TMEM74: variants seen among roughly 807,000 people sequenced by gnomAD.
TMEM74 encodes transmembrane protein 74.
A neutral mutation model predicts 18.1 loss-of-function variants in TMEM74; 13 were observed. The ratio of observed to expected loss-of-function variants is 0.72; its 90% CI spans 0.47 to 1.14. The LOEUF is 1.14. Among genes scored for constraint, TMEM74 ranks in the 50% most tolerant of loss-of-function variants. The probability of loss-of-function intolerance (pLI) is 0.00; values close to 1 mark genes in which losing one functional copy is unlikely to be tolerated. For synonymous variants in TMEM74, 159 were observed against 146.6 expected, an observed-to-expected ratio of 1.08 and a Z score of -0.61; for missense variants, 372 against 375.9, an observed-to-expected ratio of 0.99 and a Z score of 0.09.
At chr8:108,715,612 CT>C (rs1012192763) in intron 1 of TMEM74, among the ~76,000 whole-genome samples, 2 of 151,982 alleles carry the variant, frequency 1.3e-5, no homozygotes, top group African/African-American at 4.8e-5. Flanking sequence ...GTTTGAATGA[CT>C]TTTATATGTA....
intron 1 of TMEM74, among the ~76,000 whole-genome samples, chr8:108,730,570 C>T (rs552337626): frequency 6.6e-6 from 1 of 151,542 alleles, no homozygotes; most frequent in African/African-American, 2.4e-5. Flanking sequence ...TATTTATTCA[C>T]CTTTTATTGT....
intron 1 of TMEM74, among the ~76,000 whole-genome samples, chr8:108,658,850 C>A (rs1227995575): frequency 6.6e-6 from 1 of 152,108 alleles, no homozygotes; most frequent in African/African-American, 2.4e-5. Flanking sequence ...AGAGAATAAA[C>A]ATTTCAGTGG....
At chr8:108,681,216 C>G (rs1813111228) in intron 1 of TMEM74, among the ~76,000 whole-genome samples, 1 of 152,152 alleles carries the variant, frequency 6.6e-6, no homozygotes, top group Non-Finnish European at 1.5e-5. Flanking sequence ...CAAGTCAATC[C>G]TAAGCCAAAA....
chr8:108,653,191 C>A (rs1812791121), intron 2 of TMEM74: 1 of 158,544 alleles, frequency 6.3e-6, no homozygotes, highest in South Asian at 1.9e-4. Flanking sequence ...AAATAACTCT[C>A]ATTTAGGGAT....
At chr8:108,637,802 G>T (rs1339178670) in intron 2 of TMEM74, among the ~76,000 whole-genome samples, 1 of 152,136 alleles carries the variant, frequency 6.6e-6, no homozygotes, top group Non-Finnish European at 1.5e-5. Context: ...GTGGTAATTT[G>T]CCATAGCAGC....
At chr8:108,668,264 C>T (rs1812969113) in intron 1 of TMEM74, among the ~76,000 whole-genome samples, 1 of 152,148 alleles carries the variant, frequency 6.6e-6, no homozygotes, top group South Asian at 2.1e-4. Context: ...AACCTCAAAG[C>T]TGATTTCTAG....
intron 1 of TMEM74, among the ~76,000 whole-genome samples, chr8:108,767,106 C>T (rs748297384): frequency 4.4e-4 from 67 of 152,184 alleles, no homozygotes; most frequent in Non-Finnish European, 8.4e-4. Context: ...TGGAATAATA[C>T]TTTGCATCCT....
intron 1 of TMEM74, among the ~76,000 whole-genome samples, chr8:108,719,413 C>G (rs546691622): frequency 6.6e-6 from 1 of 152,218 alleles, no homozygotes; most frequent in African/African-American, 2.4e-5. Flanking sequence ...ATTTTGGCAG[C>G]TCTGCATTGT....
chr8:108,718,917 C>T (rs1813556664), intron 1 of TMEM74, among the ~76,000 whole-genome samples: 2 of 151,452 alleles, frequency 1.3e-5, no homozygotes, highest in African/African-American at 4.9e-5. Context: ...ATGAAATGTA[C>T]CCATTATGTC....
At chr8:108,736,850 A>G (rs1229879353) in intron 1 of TMEM74, among the ~76,000 whole-genome samples, 1 of 152,090 alleles carries the variant, frequency 6.6e-6, no homozygotes, top group Non-Finnish European at 1.5e-5. Context: ...GAAATGATAA[A>G]TTTACCTTGA....
intron 1 of TMEM74, among the ~76,000 whole-genome samples, chr8:108,657,838 GTC>G: frequency 3.0e-5 from 1 of 33,504 alleles, no homozygotes; most frequent in African/African-American, 1.5e-4. Context: ...GTGAGACACC[GTC>G]TCAAAAAAAA....
intron 1 of TMEM74, among the ~76,000 whole-genome samples, chr8:108,706,776 GGTGTGTGTGT>G (rs3049749): frequency 3.0e-4 from 43 of 144,972 alleles, no homozygotes; most frequent in Admixed American, 1.0e-3. Flanking sequence ...AATTACAAGG[GGTGTGTGTGT>G]GTGTGTGTGT....
intron 2 of TMEM74, among the ~76,000 whole-genome samples, chr8:108,633,520 G>A (rs555944984): frequency 6.6e-6 from 1 of 152,072 alleles, no homozygotes; most frequent in South Asian, 2.1e-4. Flanking sequence ...AATCCACAAT[G>A]AATATAACAT....
chr8:108,783,504 C>T lies in TMEM74; in HGVS notation c.*677G>A, dbSNP rs910829751. ...CCCTGGCTAATATCTGGCACCAACA[C>T]TGTGGTTTAAATTCACATTGGTCTT... is the stretch of plus-strand genomic sequence containing the variant. On this transcript the variant is annotated 3_prime_UTR_variant, in exon 2 of 2. Coordinates refer to ENST00000297459, the MANE Select transcript of TMEM74 (RefSeq NM_153015.3). The T allele has an allele frequency of 1.1e-4, 17 of 152,158 alleles. No individual in the cohort carries two copies. Among genetic ancestry groups the T allele is most frequent in the African/African-American group, 3.4e-4 (14 of 41,418 alleles). 9.4% of individuals were successfully genotyped at this position (152,158 alleles called of 1,614,324 possible). A position where few individuals can be genotyped will look rare whatever the true frequency, so the allele number is the denominator to read the frequency against.
At position 108,782,949 on chromosome 8, in the gene TMEM74, C is replaced by T. The variant is rs1389549216; in HGVS notation, c.*1232G>A. On this transcript the variant is annotated 3_prime_UTR_variant, in exon 2 of 2. Transcript: ENST00000297459. ...CAGTGTGTGTCTTGCAAAGTGAGCACCTTGCTCATCATGCTGCTCTTAGAG... is the reference window on the plus strand; with the variant it reads ...CAGTGTGTGTCTTGCAAAGTGAGCATCTTGCTCATCATGCTGCTCTTAGAG... Among the ~76,000 whole-genome samples, 1 of 152,194 alleles carries T rather than the reference C, an allele frequency of 6.6e-6. No individual in the cohort carries two copies. The highest frequency in any genetic ancestry group is 2.4e-5 in the African/African-American group (1 of 41,446).
chr8:108,770,952 C>G (rs1226764429), intron 1 of TMEM74, among the ~76,000 whole-genome samples: 3 of 152,108 alleles, frequency 2.0e-5, no homozygotes, highest in African/African-American at 7.2e-5. Flanking sequence ...TTTTTCTGGT[C>G]TCACTGAGAA....
intron 1 of TMEM74, among the ~76,000 whole-genome samples, chr8:108,679,357 C>T (rs1375417353): frequency 6.6e-6 from 1 of 152,172 alleles, no homozygotes; most frequent in Non-Finnish European, 1.5e-5. Flanking sequence ...AGTTTACAGT[C>T]CCACCAACAG....
chr8:108,613,603 T>G (rs1028090235), intron 2 of TMEM74, among the ~76,000 whole-genome samples: 4 of 152,232 alleles, frequency 2.6e-5, no homozygotes, highest in African/African-American at 4.8e-5. Context: ...AACTGTTTGA[T>G]GTTCAAAAAC....
chr8:108,681,368 C>G (rs1330489114), intron 1 of TMEM74, among the ~76,000 whole-genome samples: 2 of 152,110 alleles, frequency 1.3e-5, no homozygotes, highest in African/African-American at 4.8e-5. Flanking sequence ...TGCTGCATAT[C>G]TACAACCATC....
Sources: allele counts gnomAD v4.1 joint callset (sites outside exome capture counted in the v4.1 genomes callset), GRCh38; gene constraint gnomAD v4.1.1; transcripts MANE v1.5; gene names NCBI Gene and HGNC (gene_info 2026-07-23, HGNC 2026-07-21).